SLAMF9: variants seen among roughly 807,000 people sequenced by gnomAD.
SLAMF9 encodes SLAM family member 9.
SLAMF9 carries 25 observed loss-of-function variants against 30.4 expected under a neutral mutation model. That is an observed-to-expected ratio of 0.82 (90% confidence interval 0.60 to 1.15). The LOEUF (loss-of-function observed/expected upper bound fraction) is 1.15, where lower values mean the gene tolerates loss of function less well. Among genes scored for constraint, SLAMF9 ranks in the 50% most tolerant of loss-of-function variants. SLAMF9 has a pLI of 0.00. For missense variants in SLAMF9, 344 were observed against 346.1 expected, an observed-to-expected ratio of 0.99 and a Z score of 0.05; for synonymous variants, 129 against 127.2, an observed-to-expected ratio of 1.01 and a Z score of -0.09.
At chr1:159,963,143 A>G in the SLAMF9 span, among the ~76,000 whole-genome samples, 1 of 152,244 alleles carries the variant, frequency 6.6e-6, no homozygotes, top group African/African-American at 2.4e-5. Context: ...TGGGAAAATC[A>G]GATGAACTAA....
the SLAMF9 span, among the ~76,000 whole-genome samples, chr1:159,960,621 A>T: frequency 3.3e-5 from 5 of 152,074 alleles, no homozygotes; most frequent in Non-Finnish European, 5.9e-5. Flanking sequence ...GCATGCTACT[A>T]CGCCTGGCTA....
At chr1:159,954,778 C>A (rs68093531), upstream of SLAMF9, among the ~76,000 whole-genome samples, 16,041 of 152,180 alleles carry the variant, frequency 0.11, 875 homozygotes, top group Middle Eastern at 0.18. Flanking sequence ...TGATTCAATC[C>A]TCTTTAAGAA....
At chr1:159,978,849 T>C in the SLAMF9 span, 4 of 152,204 alleles carry the variant, frequency 2.6e-5, no homozygotes, top group Non-Finnish European at 5.9e-5. Flanking sequence ...CTTGTAAAAA[T>C]ATAGACAGAG....
chr1:159,954,894 C>A (rs548906045), upstream of SLAMF9, among the ~76,000 whole-genome samples: 20 of 152,180 alleles, frequency 1.3e-4, no homozygotes, highest in Middle Eastern at 3.4e-3. Flanking sequence ...GCCTGGCCAA[C>A]ATGGTGAAAC....
chr1:159,976,545 T>C, the SLAMF9 span: 3 of 152,240 alleles, frequency 2.0e-5, no homozygotes, highest in Non-Finnish European at 2.9e-5. Flanking sequence ...TTCTTTGTTC[T>C]TTTTTAAAAA....
the SLAMF9 span, among the ~76,000 whole-genome samples, chr1:159,960,478 T>G: frequency 6.7e-6 from 1 of 149,852 alleles, no homozygotes; most frequent in Non-Finnish European, 1.5e-5. Context: ...TTTTTTTTTT[T>G]CCTTTGAGAC....
chr1:159,965,928 A>G, the SLAMF9 span, among the ~76,000 whole-genome samples: 4 of 152,228 alleles, frequency 2.6e-5, no homozygotes, highest in Non-Finnish European at 4.4e-5. Context: ...GCTAATTAAC[A>G]TATCTATCAC....
upstream of SLAMF9, among the ~76,000 whole-genome samples, chr1:159,957,551 G>A (rs1651951888): frequency 6.6e-6 from 1 of 152,118 alleles, no homozygotes. Flanking sequence ...TTGAACCTGG[G>A]AGGCGGAGGT....
chr1:159,974,207 A>G, the SLAMF9 span: 3 of 638,888 alleles, frequency 4.7e-6, no homozygotes, highest in East Asian at 5.4e-5. Flanking sequence ...CCAGTCCTTC[A>G]TGCTGACCAG....
the SLAMF9 span, among the ~76,000 whole-genome samples, chr1:159,961,982 C>A: frequency 6.6e-6 from 1 of 151,572 alleles, no homozygotes; most frequent in African/African-American, 2.4e-5. Flanking sequence ...CATGGTGAAA[C>A]CCCCGTCTCT....
chr1:159,983,143 C>T, the SLAMF9 span: 2 of 152,282 alleles, frequency 1.3e-5, no homozygotes, highest in African/African-American at 4.8e-5. Context: ...TCAACTTACC[C>T]TCATGACCAG....
chr1:159,980,875 C>T, the SLAMF9 span, among the ~76,000 whole-genome samples: 1 of 152,242 alleles, frequency 6.6e-6, no homozygotes, highest in African/African-American at 2.4e-5. Flanking sequence ...TTTCCCTGCT[C>T]TCTTCCATCA....
At chr1:159,971,096 T>C in the SLAMF9 span, among the ~76,000 whole-genome samples, 2 of 152,210 alleles carry the variant, frequency 1.3e-5, no homozygotes, top group Admixed American at 6.5e-5. Flanking sequence ...TGACTGTCAG[T>C]CACCGGCCCT....
At chr1:159,978,642 G>A in the SLAMF9 span, 2 of 152,226 alleles carry the variant, frequency 1.3e-5, no homozygotes, top group Non-Finnish European at 2.9e-5. Flanking sequence ...GTGTGCTGAA[G>A]TGGAAGCAAA....
the SLAMF9 span, chr1:159,965,653 C>T: frequency 2.6e-5 from 4 of 152,188 alleles, no homozygotes; most frequent in East Asian, 7.7e-4. Flanking sequence ...AAGGTATGTA[C>T]CTTCATTTGA....
chr1:159,963,336 C>T, the SLAMF9 span, among the ~76,000 whole-genome samples: 12 of 152,176 alleles, frequency 7.9e-5, no homozygotes, highest in Admixed American at 3.3e-4. Context: ...AAGTCTCTAA[C>T]ATAAGACACG....
the SLAMF9 span, among the ~76,000 whole-genome samples, chr1:159,973,511 G>A: frequency 2.0e-5 from 3 of 152,296 alleles, no homozygotes; most frequent in South Asian, 2.1e-4. Flanking sequence ...GGGCCTTCGA[G>A]GTCCTCTAGT....
intron 3 of SLAMF9, 89 bp from the exon 4 acceptor site, chr1:159,951,955 G>A (rs113517995): frequency 3.6e-6 from 4 of 1,118,886 alleles, no homozygotes; most frequent in African/African-American, 3.1e-5. Flanking sequence ...TCATGAAGGG[G>A]TCTCAAGTTC....
the SLAMF9 span, among the ~76,000 whole-genome samples, chr1:159,960,172 C>A: frequency 2.3e-5 from 3 of 130,312 alleles, no homozygotes; most frequent in Non-Finnish European, 4.9e-5. Flanking sequence ...CCCCTCCCCC[C>A]ACCCCACAAC....
Sources: allele counts gnomAD v4.1 joint callset (sites outside exome capture counted in the v4.1 genomes callset), GRCh38; gene constraint gnomAD v4.1.1; transcripts MANE v1.5; gene names NCBI Gene and HGNC (gene_info 2026-07-23, HGNC 2026-07-21).